EVA1A: variants seen among roughly 807,000 people sequenced by gnomAD.
EVA1A encodes protein eva-1 homolog A.
In EVA1A, 7 loss-of-function variants were observed where a neutral mutation model predicts 9.8. The observed-to-expected ratio is 0.71, with a 90% CI of 0.41 to 1.34. The LOEUF is 1.34. Among genes scored for constraint, EVA1A ranks in the 40% most tolerant of loss-of-function variants. The probability of loss-of-function intolerance (pLI) is 0.01; values close to 1 mark genes in which losing one functional copy is unlikely to be tolerated. For synonymous variants in EVA1A, 90 were observed against 85.6 expected (o/e 1.05, Z -0.28); for missense variants, 206 against 205.9 (o/e 1.00, Z 0.00).
At chr2:75,568,820 A>G (rs186244300) in intron 1 of EVA1A, among the ~76,000 whole-genome samples, 1 of 152,222 alleles carries the variant, frequency 6.6e-6, no homozygotes, top group Non-Finnish European at 1.5e-5. Context: ...GTAGTATTCC[A>G]TGATGTACAT....
At chr2:75,515,777 T>G (rs897117228) in intron 3 of EVA1A, among the ~76,000 whole-genome samples, 12 of 152,074 alleles carry the variant, frequency 7.9e-5, no homozygotes, top group African/African-American at 2.9e-4. Context: ...GAGTACAACT[T>G]TGAAGTAAAA....
chr2:75,520,272 T>C (rs1675188343), intron 2 of EVA1A, among the ~76,000 whole-genome samples: 1 of 152,116 alleles, frequency 6.6e-6, no homozygotes, highest in Non-Finnish European at 1.5e-5. Flanking sequence ...ATGTTTCCTA[T>C]AAGAAAGAAT....
intron 1 of EVA1A, among the ~76,000 whole-genome samples, chr2:75,535,790 T>C (rs1675863231): frequency 6.6e-6 from 1 of 151,926 alleles, no homozygotes; most frequent in Non-Finnish European, 1.5e-5. Flanking sequence ...TGGGGAAGGG[T>C]AGAGGGAGTG....
At chr2:75,511,967 T>C (rs925754188) in intron 3 of EVA1A, among the ~76,000 whole-genome samples, 3 of 152,016 alleles carry the variant, frequency 2.0e-5, no homozygotes, top group Non-Finnish European at 1.5e-5. Context: ...GAATGTGTGT[T>C]TTGGGGAGAA....
intron 1 of EVA1A, among the ~76,000 whole-genome samples, chr2:75,534,857 C>A (rs1268998244): frequency 6.6e-6 from 1 of 152,002 alleles, no homozygotes; most frequent in East Asian, 1.9e-4. Context: ...CCTAGGTTTT[C>A]TTCTAGAATT....
chr2:75,525,244 C>G (rs1410681653), intron 1 of EVA1A, among the ~76,000 whole-genome samples: 1 of 152,162 alleles, frequency 6.6e-6, no homozygotes, highest in Non-Finnish European at 1.5e-5. Context: ...CCCTTATCTC[C>G]TTTTATCTAC....
At chr2:75,510,485 A>T (rs1199233697) in intron 3 of EVA1A, among the ~76,000 whole-genome samples, 1 of 152,060 alleles carries the variant, frequency 6.6e-6, no homozygotes, top group Non-Finnish European at 1.5e-5. Flanking sequence ...ACTATCATCA[A>T]TTAAGTTGTG....
At chr2:75,494,183 G>C (rs565803364) in intron 3 of EVA1A, among the ~76,000 whole-genome samples, 1 of 152,260 alleles carries the variant, frequency 6.6e-6, no homozygotes, top group East Asian at 1.9e-4. Flanking sequence ...ACCTATACAT[G>C]GATTTTGTTC....
chr2:75,565,868 C>T (rs964592804), upstream of EVA1A, among the ~76,000 whole-genome samples: 5 of 152,002 alleles, frequency 3.3e-5, no homozygotes, highest in Admixed American at 6.5e-5. Flanking sequence ...CATGCTTTGC[C>T]CTACAGTTAT....
At chr2:75,514,396 AT>A (rs1239690446) in intron 3 of EVA1A, among the ~76,000 whole-genome samples, 3 of 152,192 alleles carry the variant, frequency 2.0e-5, no homozygotes, top group South Asian at 2.1e-4. Context: ...CCAAATAGTT[AT>A]TTTCAGGACA....
chr2:75,524,897 G>C (rs1477333519), intron 1 of EVA1A, among the ~76,000 whole-genome samples: 1 of 151,948 alleles, frequency 6.6e-6, no homozygotes, highest in Non-Finnish European at 1.5e-5. Flanking sequence ...TAAATAGGTA[G>C]GCAGATAGAT....
chr2:75,541,193 C>A (rs1558688132), intron 1 of EVA1A, among the ~76,000 whole-genome samples: 1 of 152,146 alleles, frequency 6.6e-6, no homozygotes, highest in Admixed American at 6.5e-5. Context: ...TTAAAACTGT[C>A]AACAATCGGC....
At position 75,492,377 on chromosome 2, in the gene EVA1A, C is replaced by T. The variant is rs772286544; in HGVS notation, c.*859G>A. ...ATCCTAACTTTGGCTTTAATCCTTA[C>T]CTCTCATTTCCATTCTTTTCTTTGA... is the stretch of plus-strand genomic sequence containing the variant. On this transcript the variant is annotated 3_prime_UTR_variant, in exon 4 of 4. Coordinates refer to ENST00000393913, the MANE Select transcript of EVA1A (RefSeq NM_001135032.2). 6.8e-6 allele frequency: 1 copy of T among 146,324 alleles called. No individual in the cohort carries two copies. The highest frequency in any genetic ancestry group is 1.5e-5 in the Non-Finnish European group (1 of 67,328). The allele number at this position is 146,324 out of a possible 1,614,324, so 9.1% of individuals were successfully genotyped here. A position where few individuals can be genotyped will look rare whatever the true frequency, so the allele number is the denominator to read the frequency against.
At position 75,555,307 on chromosome 2, in the gene EVA1A, C is replaced by A. The variant is rs560116405; in HGVS notation, c.-192+5373G>T. 7.2e-3 allele frequency among the ~76,000 whole-genome samples: 744 copies of A among 103,202 alleles called. 3 individuals are homozygous for A. The highest frequency in any genetic ancestry group is 0.016 in the Middle Eastern group (3 of 192). 67.7% of individuals were successfully genotyped at this position (103,202 alleles called of 152,430 possible). ...ACTTTAGCATCAAAACTCAATCTCT[C>A]TCTCTCTCTCTCTCTCTCTCTCTCT... On this transcript the variant is annotated intron_variant, in intron 1 of 3. Coordinates refer to ENST00000393913, the MANE Select transcript of EVA1A (RefSeq NM_001135032.2).
At chr2:75,500,374 A>C (rs1674370284) in intron 3 of EVA1A, among the ~76,000 whole-genome samples, 1 of 152,206 alleles carries the variant, frequency 6.6e-6, no homozygotes, top group Non-Finnish European at 1.5e-5. Context: ...AATTATAACA[A>C]AACTTCTTTT....
chr2:75,540,541 G>A (rs772792831), intron 1 of EVA1A, among the ~76,000 whole-genome samples: 5 of 152,140 alleles, frequency 3.3e-5, no homozygotes, highest in Non-Finnish European at 7.3e-5. Context: ...TATTAATCTC[G>A]GAAAAAGCCA....
intron 3 of EVA1A, among the ~76,000 whole-genome samples, chr2:75,495,678 C>T (rs1674186585): frequency 6.6e-6 from 1 of 152,156 alleles, no homozygotes. Context: ...GTACACTGCT[C>T]TGGTGATGGG....
At chr2:75,530,150 G>A (rs1162925125) in intron 1 of EVA1A, among the ~76,000 whole-genome samples, 1 of 152,080 alleles carries the variant, frequency 6.6e-6, no homozygotes, top group Non-Finnish European at 1.5e-5. Flanking sequence ...AAAATCTAGA[G>A]GGGATGAATA....
intron 1 of EVA1A, among the ~76,000 whole-genome samples, chr2:75,559,717 T>TGGGGGGG (rs1457049048): frequency 3.8e-5 from 2 of 52,782 alleles, no homozygotes; most frequent in Admixed American, 1.9e-4. Context: ...GCGGGGGAGT[T>TGGGGGGG]GGGGGGACGG....
Sources: allele counts gnomAD v4.1 joint callset (sites outside exome capture counted in the v4.1 genomes callset), GRCh38; gene constraint gnomAD v4.1.1; transcripts MANE v1.5; gene names NCBI Gene and HGNC (gene_info 2026-07-23, HGNC 2026-07-21).